Variants in STXBP5L observed in about 807,000 individuals in gnomAD.
STXBP5L encodes syntaxin binding protein 5L.
A neutral mutation model predicts 144.5 loss-of-function variants in STXBP5L; 65 were observed. That is an observed-to-expected ratio of 0.45 (90% CI 0.37 to 0.55). The LOEUF (loss-of-function observed/expected upper bound fraction) is 0.55. Ranked by LOEUF, STXBP5L falls within the 20% of genes least tolerant of loss-of-function variation. The probability of loss-of-function intolerance (pLI) is 0.00; values close to 1 mark genes in which losing one functional copy is unlikely to be tolerated. For synonymous variants in STXBP5L, 505 were observed against 469.6 expected (o/e 1.08, Z -0.97); for missense variants, 1,298 against 1,405.5 (o/e 0.92, Z 1.22).
intron 3 of STXBP5L, among the ~76,000 whole-genome samples, chr3:121,018,103 G>GAACA (rs150694047): frequency 8.1e-6 from 1 of 124,200 alleles, no homozygotes; most frequent in Non-Finnish European, 1.6e-5. Flanking sequence ...ATGAATGAAT[G>GAACA]AAGAGATATT....
chr3:121,065,766 G>A (rs764218893), intron 5 of STXBP5L, among the ~76,000 whole-genome samples: 6 of 151,902 alleles, frequency 3.9e-5, no homozygotes, highest in Admixed American at 6.6e-5. Flanking sequence ...TTTGTTGCAG[G>A]GTCTCACAAA....
intron 3 of STXBP5L, among the ~76,000 whole-genome samples, chr3:120,975,502 G>C (rs1338666362): frequency 1.3e-5 from 2 of 152,164 alleles, no homozygotes; most frequent in Admixed American, 6.5e-5. Context: ...GAGACAATTT[G>C]ACTTCCTCTT....
chr3:121,108,279 T>G (rs914765074), intron 5 of STXBP5L, among the ~76,000 whole-genome samples: 1 of 152,142 alleles, frequency 6.6e-6, no homozygotes, highest in Non-Finnish European at 1.5e-5. Flanking sequence ...GAGGGCATCC[T>G]TGTCTTGTGC....
intron 20 of STXBP5L, among the ~76,000 whole-genome samples, chr3:121,362,262 C>T (rs2045733699): frequency 6.6e-6 from 1 of 152,122 alleles, no homozygotes; most frequent in Non-Finnish European, 1.5e-5. Context: ...TGGGTCTCAC[C>T]CAAGGCCTGC....
At chr3:121,194,527 A>T (rs1029429254) in intron 9 of STXBP5L, among the ~76,000 whole-genome samples, 2 of 151,834 alleles carry the variant, frequency 1.3e-5, no homozygotes, top group Non-Finnish European at 1.5e-5. Context: ...AAAAAAAGTA[A>T]CTTTGTGTTT....
At chr3:120,983,195 C>A (rs944060268) in intron 3 of STXBP5L, among the ~76,000 whole-genome samples, 5 of 152,126 alleles carry the variant, frequency 3.3e-5, no homozygotes, top group Admixed American at 1.3e-4. Context: ...AGTCTAAGGG[C>A]AGAACACAGG....
At chr3:121,120,512 A>G (rs2044410233) in intron 6 of STXBP5L, among the ~76,000 whole-genome samples, 1 of 151,246 alleles carries the variant, frequency 6.6e-6, no homozygotes, top group Admixed American at 6.6e-5. Flanking sequence ...ATAGTATTAG[A>G]TGCTGTATGT....
At chr3:121,189,858 A>C (rs1320310208) in intron 9 of STXBP5L, among the ~76,000 whole-genome samples, 1 of 152,320 alleles carries the variant, frequency 6.6e-6, no homozygotes, top group African/African-American at 2.4e-5. Flanking sequence ...AAACAAATAA[A>C]AAGTATGTAT....
intron 5 of STXBP5L, among the ~76,000 whole-genome samples, chr3:121,074,607 G>C (rs187513751): frequency 3.6e-4 from 55 of 152,242 alleles, no homozygotes; most frequent in Non-Finnish European, 5.9e-5. Flanking sequence ...ACCCCTGGCA[G>C]CTTGAGAAAT....
chr3:121,407,678 T>C (rs1284083025), intron 23 of STXBP5L, 75 bp downstream of exon 23: 1 of 1,569,432 alleles, frequency 6.4e-7, no homozygotes, highest in South Asian at 1.1e-5. Context: ...ATATATGTGT[T>C]ATGTGCAGAT....
chr3:120,914,873 T>G (rs1459838630), intron 2 of STXBP5L, among the ~76,000 whole-genome samples: 1 of 152,122 alleles, frequency 6.6e-6, no homozygotes, highest in African/African-American at 2.4e-5. Flanking sequence ...TAAAGATTTT[T>G]TTTTCTTTTA....
chr3:121,343,327 T>G lies in STXBP5L; in HGVS notation c.2176+24787T>G, dbSNP rs566472171. Among the ~76,000 whole-genome samples the G allele has an allele frequency of 2.3e-4, 35 of 151,984 alleles. 1 individual carries two copies. The South Asian group carries it at 7.0e-3, about 31-fold the overall frequency. On this transcript the variant is annotated intron_variant, in intron 20 of 26. Coordinates refer to ENST00000471454, the MANE Select transcript of STXBP5L (RefSeq NM_001308330.2). ...ACTCTGATGGTAGTTTCTTTTGCTG[T>G]GCAGAAGCTCTTTACAGGGATGCCC...
chr3:120,981,525 C>T (rs1037794649), intron 3 of STXBP5L, among the ~76,000 whole-genome samples: 3 of 151,894 alleles, frequency 2.0e-5, no homozygotes, highest in Non-Finnish European at 4.4e-5. Flanking sequence ...ATTTTTAGTT[C>T]TAGAAGTTCT....
At chr3:121,330,100 T>C (rs2044275839) in intron 20 of STXBP5L, among the ~76,000 whole-genome samples, 1 of 152,202 alleles carries the variant, frequency 6.6e-6, no homozygotes, top group African/African-American at 2.4e-5. Context: ...TATTTCTGCT[T>C]CATGGGCAGA....
At chr3:121,347,134 G>A (rs1391988178) in intron 20 of STXBP5L, among the ~76,000 whole-genome samples, 1 of 152,138 alleles carries the variant, frequency 6.6e-6, no homozygotes, top group Non-Finnish European at 1.5e-5. Flanking sequence ...TTTGTATAAG[G>A]TGTAAGGAAG....
At chr3:121,107,534 G>A (rs1218072522) in intron 5 of STXBP5L, among the ~76,000 whole-genome samples, 2 of 152,072 alleles carry the variant, frequency 1.3e-5, no homozygotes, top group African/African-American at 4.8e-5. Flanking sequence ...GTAGATGTGT[G>A]GTCTTATTTC....
Position 121,353,894 on chromosome 3 carries a change from T to C in STXBP5L, c.2177-24822T>C, listed in dbSNP as rs142002446. ...TCTGGTACATTGTTCTTTGTTCTCA[T>C]TGGTTTCAAAGAACATCTTTATTTC... On this transcript the variant is annotated intron_variant, in intron 20 of 26. Transcript: ENST00000471454. Among the ~76,000 whole-genome samples, 185 of 152,358 alleles carry C rather than the reference T, an allele frequency of 1.2e-3. 1 individual carries two copies. The East Asian group carries it at 0.023, about 19-fold the overall frequency.
At chr3:121,269,134 G>A (rs1010575595) in intron 18 of STXBP5L, among the ~76,000 whole-genome samples, 8 of 151,968 alleles carry the variant, frequency 5.3e-5, no homozygotes, top group South Asian at 2.1e-4. Context: ...TAGACATTAA[G>A]GGGGGAAAAA....
chr3:121,254,955 G>A lies in STXBP5L; in HGVS notation c.1502G>A (p.Gly501Glu). 6.2e-7 allele frequency: 1 copy of A among 1,613,530 alleles called. No individual in the cohort carries two copies. Among genetic ancestry groups the A allele is most frequent in the Non-Finnish European group, 8.5e-7 (1 of 1,179,692 alleles). Residue 501 changes from glycine (G) to glutamate (E), a missense_variant, in exon 16 of 27, where the codon GGA (glycine) becomes GAA (glutamate). Transcript: ENST00000471454. ...TSKVFEKQKV[G>E]EGKQTCEIVE... is the part of the protein sequence containing the mutation. ...AAAGTGTTTGAAAAACAGAAGGTAG[G>A]AGAAGGAAAACAAACATGTGAAATT...
Sources: allele counts gnomAD v4.1 joint callset (sites outside exome capture counted in the v4.1 genomes callset), GRCh38; gene constraint gnomAD v4.1.1; transcripts MANE v1.5; gene names NCBI Gene and HGNC (gene_info 2026-07-23, HGNC 2026-07-21).